The following ZC3H12B variants were observed in gnomAD, a reference collection of about 807,000 sequenced individuals.
ZC3H12B encodes zinc finger CCCH-type containing 12B, also known as probable ribonuclease ZC3H12B.
Under a neutral mutation model 43.9 loss-of-function variants are expected in ZC3H12B, and 7 were observed. That is an observed-to-expected ratio of 0.16 (90% CI 0.09 to 0.30). ZC3H12B has a LOEUF of 0.30. Ranked by LOEUF, ZC3H12B falls within the 10% of genes least tolerant of loss-of-function variation. The pLI is 1.00. For missense variants in ZC3H12B, 475 were observed against 670.2 expected (o/e 0.71, Z 3.22); for synonymous variants, 222 against 241.7 (o/e 0.92, Z 0.76).
At chrX:65,286,616 C>A in the ZC3H12B span, among the ~76,000 whole-genome samples, 1 of 110,072 alleles carries the variant, frequency 9.1e-6, no homozygotes, top group South Asian at 3.8e-4. Context: ...CACACACACA[C>A]GTATATAATA....
chrX:65,058,085 T>C, the ZC3H12B span, among the ~76,000 whole-genome samples: 1 of 112,619 alleles, frequency 8.9e-6, no homozygotes. Flanking sequence ...TCTCAACTCC[T>C]CAGAGGCATT....
At chrX:65,042,857 A>C in the ZC3H12B span, among the ~76,000 whole-genome samples, 6 of 111,716 alleles carry the variant, frequency 5.4e-5, no homozygotes, top group African/African-American at 2.0e-4. Flanking sequence ...TAGCTAAGGG[A>C]ATTTTCCTCC....
the ZC3H12B span, among the ~76,000 whole-genome samples, chrX:65,251,557 C>T: frequency 1.8e-5 from 2 of 111,604 alleles, no homozygotes; most frequent in African/African-American, 6.5e-5. Flanking sequence ...GATATTGATT[C>T]TTCCTACCCA....
the ZC3H12B span, among the ~76,000 whole-genome samples, chrX:65,151,066 T>C: frequency 8.9e-6 from 1 of 112,437 alleles, no homozygotes. Flanking sequence ...AATTTAGTCA[T>C]TTATAATTTT....
intron 3 of ZC3H12B, among the ~76,000 whole-genome samples, chrX:65,482,336 GA>G (rs959669167): frequency 3.9e-4 from 43 of 110,098 alleles, no homozygotes; most frequent in Middle Eastern, 4.6e-3. Flanking sequence ...GAGAGAGAGA[GA>G]AAAAAAATGA....
intron 3 of ZC3H12B, among the ~76,000 whole-genome samples, chrX:65,409,295 TAAA>T (rs879024449): frequency 9.2e-5 from 10 of 108,777 alleles, no homozygotes; most frequent in Admixed American, 8.9e-4. Flanking sequence ...GAAAAAAAAA[TAAA>T]AAAAATAAAA....
At chrX:65,469,378 G>T (rs2067874632) in intron 3 of ZC3H12B, 1 of 434,040 alleles carries the variant, frequency 2.3e-6, no homozygotes, top group South Asian at 3.6e-5. Context: ...ATTTTGCTGA[G>T]TGAGATCTTT....
At chrX:65,237,238 AGTTTGTTT>A in the ZC3H12B span, among the ~76,000 whole-genome samples, 39 of 109,993 alleles carry the variant, frequency 3.5e-4, no homozygotes, top group Admixed American at 9.7e-4. Flanking sequence ...AGTGGTTTGT[AGTTTGTTT>A]GTTTGTTTGT....
At chrX:65,312,901 A>G in the ZC3H12B span, among the ~76,000 whole-genome samples, 7 of 110,762 alleles carry the variant, frequency 6.3e-5, no homozygotes, top group Non-Finnish European at 9.5e-5. Flanking sequence ...TTGTTTTTTG[A>G]GACAGATTCT....
chrX:65,422,925 C>CTTTTTTTTTTTTTTTTTT (rs34567013), intron 3 of ZC3H12B, among the ~76,000 whole-genome samples: 9 of 46,184 alleles, frequency 1.9e-4, no homozygotes, highest in Admixed American at 3.4e-4. Flanking sequence ...TCTTTCTTTG[C>CTTTTTTTTTTTTTTTTTT]TTTTTTTTTT....
At chrX:65,220,269 G>T in the ZC3H12B span, among the ~76,000 whole-genome samples, 1 of 111,428 alleles carries the variant, frequency 9.0e-6, no homozygotes, top group Non-Finnish European at 1.9e-5. Context: ...AAATTTCACA[G>T]TACCTATAAA....
chrX:65,074,267 C>G, the ZC3H12B span, among the ~76,000 whole-genome samples: 1 of 107,777 alleles, frequency 9.3e-6, no homozygotes. Flanking sequence ...TATTAGTTAA[C>G]AGGTTTTTTT....
At chrX:65,379,776 C>A (rs2066409013) in intron 2 of ZC3H12B, among the ~76,000 whole-genome samples, 1 of 112,121 alleles carries the variant, frequency 8.9e-6, no homozygotes, top group Non-Finnish European at 1.9e-5. Context: ...GCTGATGGAG[C>A]TGAAAAACAA....
the ZC3H12B span, among the ~76,000 whole-genome samples, chrX:65,348,688 C>CA: frequency 0.02 from 1,028 of 50,333 alleles, 8 homozygotes; most frequent in South Asian, 0.037. Context: ...AAATGGCAAG[C>CA]AAAAAAAAAA....
At chrX:65,422,449 A>G (rs1490256653) in intron 3 of ZC3H12B, among the ~76,000 whole-genome samples, 1 of 112,310 alleles carries the variant, frequency 8.9e-6, no homozygotes, top group Non-Finnish European at 1.9e-5. Flanking sequence ...CAAATTGACA[A>G]AGGTGTGGAC....
At chrX:65,469,388 T>C in intron 3 of ZC3H12B, 3 of 452,684 alleles carry the variant, frequency 6.6e-6, no homozygotes, top group Non-Finnish European at 1.2e-5. Flanking sequence ...GTGAGATCTT[T>C]GGCACCATCA....
At chrX:65,330,216 G>A in the ZC3H12B span, among the ~76,000 whole-genome samples, 1 of 111,071 alleles carries the variant, frequency 9.0e-6, no homozygotes, top group African/African-American at 3.3e-5. Flanking sequence ...GTCTGTTATT[G>A]GTGTATAAGA....
the ZC3H12B span, among the ~76,000 whole-genome samples, chrX:65,127,562 T>G: frequency 9.0e-6 from 1 of 110,792 alleles, no homozygotes; most frequent in Non-Finnish European, 1.9e-5. Flanking sequence ...GTTTTTCAGG[T>G]GGTGGGTAGG....
chrX:65,102,225 G>T, the ZC3H12B span, among the ~76,000 whole-genome samples: 2 of 111,649 alleles, frequency 1.8e-5, no homozygotes, highest in Non-Finnish European at 3.8e-5. Flanking sequence ...GGTATTGATG[G>T]TATATATCTC....
Sources: gnomAD v4.1 joint callset for allele counts (sites outside exome capture counted in the v4.1 genomes callset) on GRCh38, gnomAD v4.1.1 for gene constraint, MANE v1.5 for transcripts, NCBI Gene and HGNC (gene_info 2026-07-23, HGNC 2026-07-21) for gene names.